The following SIPA1L3 variants were observed in gnomAD, a reference collection of about 807,000 sequenced individuals.
SIPA1L3 encodes the protein signal-induced proliferation-associated 1-like protein 3.
A neutral mutation model predicts 150.1 loss-of-function variants in SIPA1L3; 59 were observed. The observed-to-expected ratio is 0.39, with a 90% CI of 0.32 to 0.49. SIPA1L3 has a LOEUF of 0.49. Ranked by LOEUF, SIPA1L3 falls within the 20% of genes least tolerant of loss-of-function variation. The pLI is 0.86. For missense variants in SIPA1L3, 2,211 were observed against 2,489.5 expected, an observed-to-expected ratio of 0.89 and a Z score of 2.38; for synonymous variants, 1,070 against 1,077.6, an observed-to-expected ratio of 0.99 and a Z score of 0.14.
chr19:38,157,323 T>TTAGTC (rs1234330930), intron 13 of SIPA1L3, among the ~76,000 whole-genome samples: 1 of 152,186 alleles, frequency 6.6e-6, no homozygotes, highest in East Asian at 1.9e-4. Flanking sequence ...GCCTTCATGT[T>TTAGTC]TAGTCGTCTC....
rs534562681 is a variant in SIPA1L3, at chr19:38,020,992, G to T, written c.-378-8097G>T. ...ATTTTTGTATTTTTAGTAGAGACAG[G>T]GTTTCGCCATGTTGGCCAGGCTGGT... On this transcript the variant is annotated intron_variant, in intron 1 of 21. Coordinates refer to ENST00000222345, the MANE Select transcript of SIPA1L3 (RefSeq NM_015073.3). 3.3e-5 allele frequency among the ~76,000 whole-genome samples: 5 copies of T among 152,204 alleles called. No individual in the cohort carries two copies. In the East Asian group the frequency reaches 9.7e-4, roughly 29 times the overall value.
At chr19:38,007,717 G>A (rs1967988619) in intron 1 of SIPA1L3, among the ~76,000 whole-genome samples, 1 of 151,958 alleles carries the variant, frequency 6.6e-6, no homozygotes, top group Non-Finnish European at 1.5e-5. Context: ...ACCAGGCACT[G>A]TGTTCTTGGC....
Position 38,167,189 on chromosome 19 carries a change from T to C in SIPA1L3, c.4208+2283T>C, listed in dbSNP as rs905814852. 3.7e-5 allele frequency among the ~76,000 whole-genome samples: 5 copies of C among 136,226 alleles called. 1 individual carries two copies. The highest frequency in any genetic ancestry group is 8.3e-5 in the Admixed American group (1 of 12,030). The allele number at this position is 136,226 out of a possible 152,430, so 89.4% of individuals were successfully genotyped here. A position where few individuals can be genotyped will look rare whatever the true frequency, so the allele number is the denominator to read the frequency against. Reference sequence around the variant, plus strand: ...CAGAGGTTGCAGTGAGCCAAGATCATGCCACTGCACTCCAGCCTGGCAACA... The same window carrying C: ...CAGAGGTTGCAGTGAGCCAAGATCACGCCACTGCACTCCAGCCTGGCAACA... On this transcript the variant is annotated intron_variant, in intron 15 of 21. Transcript: ENST00000222345.
chr19:38,170,408 T>C (rs143460252), intron 15 of SIPA1L3, among the ~76,000 whole-genome samples: 3 of 152,196 alleles, frequency 2.0e-5, no homozygotes, highest in Non-Finnish European at 4.4e-5. Context: ...GCCCCCCTCA[T>C]GTGCTGTCGT....
chr19:38,055,197 A>C (rs1438775543), intron 2 of SIPA1L3, among the ~76,000 whole-genome samples: 3 of 152,140 alleles, frequency 2.0e-5, no homozygotes, highest in Non-Finnish European at 4.4e-5. Context: ...GTAACAAAAA[A>C]CCAGTAAGCC....
chr19:38,179,414 C>T (rs2146018247), intron 15 of SIPA1L3, among the ~76,000 whole-genome samples: 2 of 152,094 alleles, frequency 1.3e-5, no homozygotes, highest in Middle Eastern at 3.4e-3. Flanking sequence ...TGCCCTCCAG[C>T]CTAAGTGACA....
rs1291307877 is a variant in SIPA1L3, at chr19:38,201,908, C to T, written c.5031C>T (p.Ser1677=). 2 of 1,613,956 alleles carry T rather than the reference C, an allele frequency of 1.2e-6. No homozygotes were observed. Among genetic ancestry groups the T allele is most frequent in the East Asian group, 4.5e-5 (2 of 44,870 alleles). ...TCTCTCTGAACGACCCGGCCCTGAG[C>T]CCGGACATCCCGCCTGCACACAGTC... The part of the protein sequence containing the change: ...SLFSLNDPAL[S]PDIPPAHSPV... The change falls in exon 20 of 22, where the codon AGC becomes AGT. Residue 1677 remains serine (S), a synonymous_variant. Coordinates refer to ENST00000222345, the MANE Select transcript of SIPA1L3 (RefSeq NM_015073.3).
intron 9 of SIPA1L3, among the ~76,000 whole-genome samples, chr19:38,129,494 G>A (rs570279116): frequency 5.3e-5 from 8 of 152,006 alleles, no homozygotes; most frequent in African/African-American, 1.7e-4. Context: ...GCATGGTGGC[G>A]CGTGCCTGTA....
Position 37,980,409 on chromosome 19 carries a change from C to G in SIPA1L3, c.-378-48680C>G, listed in dbSNP as rs1967173794. On this transcript the variant is annotated intron_variant, in intron 1 of 21. Coordinates refer to ENST00000222345, the MANE Select transcript of SIPA1L3 (RefSeq NM_015073.3). ...GCAAATGTTTACTGAACAGTATGCC[C>G]TGGAGATCCTCTTATTTTAGTGTTC... Among the ~76,000 whole-genome samples, 4 of 152,272 alleles carry G rather than the reference C, an allele frequency of 2.6e-5. No individual in the cohort carries two copies. In the South Asian group the frequency reaches 8.3e-4, roughly 32 times the overall value.
intron 8 of SIPA1L3, among the ~76,000 whole-genome samples, chr19:38,117,480 G>A (rs530075247): frequency 5.5e-4 from 84 of 152,166 alleles, no homozygotes; most frequent in African/African-American, 1.8e-3. Flanking sequence ...TTAGCCAGGC[G>A]TTGTAGCAGG....
intron 1 of SIPA1L3, among the ~76,000 whole-genome samples, chr19:37,947,926 C>G (rs2145544278): frequency 6.6e-6 from 1 of 152,332 alleles, no homozygotes; most frequent in East Asian, 1.9e-4. Context: ...TGCCTCTGCC[C>G]TGGCCAAGAC....
intron 15 of SIPA1L3, among the ~76,000 whole-genome samples, chr19:38,178,822 T>G (rs1017040310): frequency 6.6e-6 from 1 of 152,174 alleles, no homozygotes; most frequent in Non-Finnish European, 1.5e-5. Context: ...TTCTCAGTTC[T>G]GATGCTCTTG....
intron 9 of SIPA1L3, among the ~76,000 whole-genome samples, chr19:38,128,831 A>G (rs1971239283): frequency 6.6e-6 from 1 of 152,078 alleles, no homozygotes; most frequent in Non-Finnish European, 1.5e-5. Context: ...AGGGAGGCGG[A>G]GGTGGCAGTG....
intron 4 of SIPA1L3, among the ~76,000 whole-genome samples, chr19:38,098,414 T>G (rs1168737975): frequency 8.2e-6 from 1 of 122,528 alleles, no homozygotes; most frequent in East Asian, 3.0e-4. Context: ...TTTTTTTTTT[T>G]GAGACAGTCT....
At chr19:38,071,028 A>G (rs1298324172) in intron 2 of SIPA1L3, among the ~76,000 whole-genome samples, 1 of 152,038 alleles carries the variant, frequency 6.6e-6, no homozygotes, top group Non-Finnish European at 1.5e-5. Context: ...CACCCCTACA[A>G]GCTATCTCCA....
intron 1 of SIPA1L3, among the ~76,000 whole-genome samples, chr19:37,938,527 C>G (rs993945663): frequency 6.6e-6 from 1 of 152,184 alleles, no homozygotes; most frequent in Admixed American, 6.5e-5. Flanking sequence ...TAATTTACCC[C>G]TGAAGACTAG....
In SIPA1L3 at chr19:38,182,904, C is replaced by T. The variant is rs954088486; in HGVS notation, c.4430+164C>T. 3 of 584,882 alleles carry T rather than the reference C, an allele frequency of 5.1e-6. No homozygotes were observed. In the Admixed American group the frequency reaches 9.8e-5, roughly 19 times the overall value. The allele number at this position is 584,882 out of a possible 1,614,324, so 36.2% of individuals were successfully genotyped here. A position where few individuals can be genotyped will look rare whatever the true frequency, so the allele number is the denominator to read the frequency against. ...GCTGCAAGCAGGACAGGCGAGAACC[C>T]CTCTTGGGGAGCTGGCATTCCATTT... On this transcript the variant is annotated intron_variant, in intron 16 of 21. Transcript: ENST00000222345.
intron 2 of SIPA1L3, among the ~76,000 whole-genome samples, chr19:38,051,281 CTTTCTT>C (rs971534735): frequency 4.6e-5 from 7 of 152,186 alleles, no homozygotes; most frequent in African/African-American, 1.7e-4. Flanking sequence ...AATGTACCCT[CTTTCTT>C]TTTAATGACT....
intron 1 of SIPA1L3, among the ~76,000 whole-genome samples, chr19:37,975,503 CA>C (rs933382695): frequency 2.6e-5 from 4 of 152,120 alleles, no homozygotes; most frequent in African/African-American, 9.7e-5. Context: ...TCAGGGTCCC[CA>C]TCTGTAAGAT....
Sources: gnomAD v4.1 joint callset for allele counts (sites outside exome capture counted in the v4.1 genomes callset) on GRCh38, gnomAD v4.1.1 for gene constraint, MANE v1.5 for transcripts, NCBI Gene and HGNC (gene_info 2026-07-23, HGNC 2026-07-21) for gene names.